Variants in GRID2 observed in about 807,000 individuals in gnomAD.
The protein encoded by GRID2 is glutamate receptor ionotropic, delta-2.
A neutral mutation model predicts 114.8 loss-of-function variants in GRID2; 33 were observed. The observed-to-expected ratio is 0.29, with a 90% CI of 0.22 to 0.38. GRID2 has a LOEUF of 0.38. Among genes scored for constraint, GRID2 ranks in the 10% least tolerant of loss-of-function variants. GRID2 has a pLI of 1.00. For synonymous variants in GRID2, 505 were observed against 449.9 expected (o/e 1.12, Z -1.55); for missense variants, 1,184 against 1,257.7 (o/e 0.94, Z 0.89).
chr4:93,278,430 A>G (rs140811091), intron 8 of GRID2, among the ~76,000 whole-genome samples: 1 of 151,904 alleles, frequency 6.6e-6, no homozygotes, highest in Non-Finnish European at 1.5e-5. Flanking sequence ...AGAGGAAGAA[A>G]TGGTTATGGT....
intron 5 of GRID2, among the ~76,000 whole-genome samples, chr4:93,216,275 T>C (rs931048457): frequency 1.3e-5 from 2 of 151,716 alleles, no homozygotes; most frequent in East Asian, 1.9e-4. Flanking sequence ...TGTGTGCATG[T>C]GTGTGTGTGT....
intron 1 of GRID2, among the ~76,000 whole-genome samples, chr4:92,405,809 C>A (rs186382302): frequency 6.6e-6 from 1 of 151,428 alleles, no homozygotes; most frequent in African/African-American, 2.4e-5. Flanking sequence ...TTTAGAAATA[C>A]GGTATAAATC....
intron 2 of GRID2, among the ~76,000 whole-genome samples, chr4:92,996,975 T>G (rs1755240891): frequency 6.6e-6 from 1 of 152,210 alleles, no homozygotes; most frequent in African/African-American, 2.4e-5. Flanking sequence ...ACCATGTTGC[T>G]AAAACTCTGA....
At chr4:93,257,082 T>C (rs1315086469) in intron 8 of GRID2, among the ~76,000 whole-genome samples, 1 of 151,856 alleles carries the variant, frequency 6.6e-6, no homozygotes, top group Non-Finnish European at 1.5e-5. Context: ...ACTTAACGTT[T>C]AAGTCAATAA....
intron 1 of GRID2, among the ~76,000 whole-genome samples, chr4:92,452,544 T>C (rs1720979554): frequency 6.6e-6 from 1 of 152,114 alleles, no homozygotes; most frequent in African/African-American, 2.4e-5. Context: ...CAGGCTGGTC[T>C]TGAACTCCTG....
chr4:92,331,396 C>T (rs17019312), intron 1 of GRID2, among the ~76,000 whole-genome samples: 3,932 of 152,182 alleles, frequency 0.026, 172 homozygotes, highest in African/African-American at 0.09. Context: ...ATTGATCTGT[C>T]TTCTAGTATT....
At chr4:93,799,077 C>G (rs543299695) in intron 1 of GRID2, among the ~76,000 whole-genome samples, 16 of 152,244 alleles carry the variant, frequency 1.1e-4, no homozygotes, top group African/African-American at 3.4e-4. Flanking sequence ...ATTTAAAGAC[C>G]CTCAACCTCA....
At position 93,455,741 on chromosome 4, in the gene GRID2, A is replaced by T; in HGVS notation, c.1625A>T (p.Asp542Val). ...NVVDFTTRYMDYSVGVLLRRA... is the reference protein window; with the variant it reads ...NVVDFTTRYMVYSVGVLLRRA... ...GTGGACTTTACGACACGTTACATGG[A>T]CTACTCAGTGGGGGTACTACTTCGA... Residue 542 changes from aspartate to valine, a missense_variant, in exon 11 of 16, where the codon GAC becomes GTC. By Grantham distance (152) the Asp-to-Val change is radical. Around this residue, in one of 3 missense-constraint regions of GRID2, gnomAD observed 717 missense variants for 796.9 expected, o/e 0.90. Transcript: ENST00000282020. 1 of 1,611,504 alleles carries T rather than the reference A, an allele frequency of 6.2e-7. No individual in the cohort carries two copies. The highest frequency in any genetic ancestry group is 8.5e-7 in the Non-Finnish European group (1 of 1,177,676).
intron 14 of GRID2, among the ~76,000 whole-genome samples, chr4:93,638,130 A>T (rs1051062606): frequency 3.9e-5 from 6 of 152,228 alleles, no homozygotes; most frequent in Non-Finnish European, 5.9e-5. Flanking sequence ...TCAAATAGAG[A>T]AATATGTACC....
chr4:92,482,839 T>C (rs1478233533), intron 1 of GRID2, among the ~76,000 whole-genome samples: 2 of 152,228 alleles, frequency 1.3e-5, no homozygotes, highest in Non-Finnish European at 2.9e-5. Context: ...TTTTACAATA[T>C]TAAATGCTTA....
At chr4:92,428,130 G>GC (rs1560623146) in intron 1 of GRID2, among the ~76,000 whole-genome samples, 22 of 151,878 alleles carry the variant, frequency 1.4e-4, no homozygotes, top group Non-Finnish European at 3.2e-4. Flanking sequence ...GGCGTGGTGA[G>GC]GGGTGCCTGT....
intron 2 of GRID2, among the ~76,000 whole-genome samples, chr4:92,909,481 A>G (rs1256358596): frequency 5.9e-5 from 9 of 152,206 alleles, no homozygotes; most frequent in Non-Finnish European, 1.5e-5. Flanking sequence ...ACATAGTAGC[A>G]AAACCTCTGA....
At chr4:93,329,356 G>A (rs1362609198) in intron 8 of GRID2, among the ~76,000 whole-genome samples, 2 of 152,206 alleles carry the variant, frequency 1.3e-5, no homozygotes, top group South Asian at 4.2e-4. Context: ...GTATTTAAAT[G>A]CTCCCTTCAT....
chr4:93,373,159 C>A (rs1763085053), intron 8 of GRID2, among the ~76,000 whole-genome samples: 1 of 152,114 alleles, frequency 6.6e-6, no homozygotes, highest in African/African-American at 2.4e-5. Context: ...TATTTGCTGG[C>A]CCTTTAATTT....
intron 2 of GRID2, among the ~76,000 whole-genome samples, chr4:92,729,223 A>G (rs975892187): frequency 1.3e-5 from 2 of 152,000 alleles, no homozygotes; most frequent in Non-Finnish European, 2.9e-5. Context: ...AAGAAAAACA[A>G]TAAACCATTG....
intron 14 of GRID2, among the ~76,000 whole-genome samples, chr4:93,680,876 G>T (rs1354438526): frequency 6.6e-6 from 1 of 151,840 alleles, no homozygotes; most frequent in East Asian, 1.9e-4. Flanking sequence ...GCACAAGACA[G>T]GGATGCCCTC....
chr4:92,771,266 G>A (rs764155767), intron 2 of GRID2, among the ~76,000 whole-genome samples: 12 of 152,118 alleles, frequency 7.9e-5, no homozygotes, highest in Middle Eastern at 3.4e-3. Context: ...TTCTCTCATC[G>A]TCACAGACAC....
At chr4:93,417,789 T>C (rs1370572427) in intron 9 of GRID2, among the ~76,000 whole-genome samples, 3 of 151,876 alleles carry the variant, frequency 2.0e-5, no homozygotes, top group Admixed American at 2.0e-4. Context: ...TTCAGTTAAC[T>C]TCAATTTTAA....
At chr4:93,778,393 CTTTT>C (rs36000401), downstream of GRID2, among the ~76,000 whole-genome samples, 2 of 98,634 alleles carry the variant, frequency 2.0e-5, no homozygotes, top group Non-Finnish European at 3.9e-5. Context: ...TCTCATTTGG[CTTTT>C]TTTTTTTTTT....
Sources: gnomAD v4.1 joint callset for allele counts (sites outside exome capture counted in the v4.1 genomes callset) on GRCh38, gnomAD v4.1.1 for gene constraint, gnomAD v4.1.1 regional missense constraint, MANE v1.5 for transcripts, NCBI Gene and HGNC (gene_info 2026-07-23, HGNC 2026-07-21) for gene names.